Variants in MSN observed in about 807,000 individuals in gnomAD.
MSN encodes moesin, also known as epididymis luminal protein 70.
Under a neutral mutation model 48.0 loss-of-function variants are expected in MSN, and 2 were observed. The observed-to-expected ratio is 0.04, with a 90% CI of 0.02 to 0.13. The LOEUF is 0.13. Among genes scored for constraint, MSN ranks in the 10% least tolerant of loss-of-function variants. The pLI is 1.00. For missense variants in MSN, 267 were observed against 470.1 expected (o/e 0.57, Z 3.99); for synonymous variants, 146 against 166.9 (o/e 0.87, Z 0.97).
At chrX:65,601,427 A>G (rs997467705) in intron 1 of MSN, among the ~76,000 whole-genome samples, 1 of 112,291 alleles carries the variant, frequency 8.9e-6, no homozygotes, top group Non-Finnish European at 1.9e-5. Context: ...CCTGACTCCA[A>G]ATCTCCATTA....
intron 1 of MSN, among the ~76,000 whole-genome samples, chrX:65,645,719 A>C (rs1194547664): frequency 1.8e-5 from 2 of 111,447 alleles, no homozygotes; most frequent in African/African-American, 3.3e-5. Flanking sequence ...GGGATGAAGG[A>C]GGAAACATTG....
At chrX:65,641,402 C>A (rs1372706895) in intron 1 of MSN, among the ~76,000 whole-genome samples, 1 of 100,498 alleles carries the variant, frequency 1.0e-5, no homozygotes, top group African/African-American at 3.6e-5. Context: ...TGGAGGTGTG[C>A]GCCTGTAATC....
At position 65,669,855 on chromosome X, in the gene MSN, T is replaced by A. The variant is rs186446496; in HGVS notation, c.12+2002T>A. Among the ~76,000 whole-genome samples the A allele has an allele frequency of 4.6e-3, 507 of 110,187 alleles. 4 individuals are homozygous for A. Among genetic ancestry groups the A allele is most frequent in the African/African-American group, 0.016 (487 of 30,220 alleles). ...AAAAAAACTAAAACTAAAACAAAAA[T>A]CTAATGAGGCTATTGAGACCTACAG... On this transcript the variant is annotated intron_variant, in intron 1 of 12. Coordinates refer to ENST00000360270, the MANE Select transcript of MSN (RefSeq NM_002444.3).
At chrX:65,712,124 C>T (rs139428155) in intron 1 of MSN, among the ~76,000 whole-genome samples, 4 of 110,885 alleles carry the variant, frequency 3.6e-5, no homozygotes, top group South Asian at 3.9e-4. Flanking sequence ...TACTTTATGA[C>T]GGCCCATTCT....
intron 3 of MSN, among the ~76,000 whole-genome samples, chrX:65,729,024 G>C (rs865943642): frequency 8.9e-6 from 1 of 111,894 alleles, no homozygotes; most frequent in Non-Finnish European, 1.9e-5. Flanking sequence ...GGTCTAATTT[G>C]TGCTCTTGTT....
intron 1 of MSN, among the ~76,000 whole-genome samples, chrX:65,708,039 A>T (rs1409744836): frequency 9.2e-6 from 1 of 109,032 alleles, no homozygotes; most frequent in Non-Finnish European, 1.9e-5. Context: ...TTAAATAGAG[A>T]TGGTCTTGCT....
intron 1 of MSN, among the ~76,000 whole-genome samples, chrX:65,714,698 G>A (rs1193491350): frequency 1.8e-5 from 2 of 111,156 alleles, no homozygotes; most frequent in African/African-American, 3.3e-5. Flanking sequence ...GTTCCTTATA[G>A]ATGCTGGATA....
At chrX:65,625,660 T>C (rs758126248) in intron 1 of MSN, 2 of 112,015 alleles carry the variant, frequency 1.8e-5, no homozygotes, top group East Asian at 5.6e-4. Context: ...TCTTTGAATA[T>C]AAAGTGAGAC....
At chrX:65,619,354 G>A (rs1271835133) in intron 1 of MSN, among the ~76,000 whole-genome samples, 3 of 97,499 alleles carry the variant, frequency 3.1e-5, no homozygotes, top group Non-Finnish European at 5.8e-5. Flanking sequence ...CCAATCAGAC[G>A]TAGATTTGGT....
At chrX:65,618,061 G>C (rs922328958) in intron 1 of MSN, among the ~76,000 whole-genome samples, 1 of 110,652 alleles carries the variant, frequency 9.0e-6, no homozygotes, top group African/African-American at 3.3e-5. Context: ...ATTGCACTGT[G>C]GTCTGAGAGA....
intron 1 of MSN, among the ~76,000 whole-genome samples, chrX:65,681,979 C>T (rs1475452544): frequency 6.3e-5 from 7 of 111,581 alleles, no homozygotes; most frequent in African/African-American, 2.3e-4. Context: ...ATTTGAGCAG[C>T]CTGACTCCAA....
At chrX:65,651,209 T>G (rs2148374923) in intron 1 of MSN, among the ~76,000 whole-genome samples, 1 of 108,935 alleles carries the variant, frequency 9.2e-6, no homozygotes, top group East Asian at 2.9e-4. Context: ...TCACTTGAGT[T>G]CAAGCGTTTG....
chrX:65,736,202 G>A (rs969074712), intron 8 of MSN, among the ~76,000 whole-genome samples: 9 of 111,379 alleles, frequency 8.1e-5, no homozygotes, highest in Non-Finnish European at 1.1e-4. Context: ...CAAGATAGGG[G>A]AACAAGAGCA....
Position 65,667,853 on chromosome X carries a change from G to A in MSN, c.12G>A (p.Thr4=). The change falls in exon 1 of 13, where the codon ACG becomes ACA. Residue 4 remains threonine (T), a splice_region_variant and synonymous_variant. Coordinates refer to ENST00000360270, the MANE Select transcript of MSN (RefSeq NM_002444.3). MPK[T]ISVRVTTMDA... ...CCTTTGCCGCCACCATGCCCAAAAC[G>A]GTGAGTGCCGGAGGTGGGCGCTGTC... 1 of 1,210,095 alleles carries A rather than the reference G, an allele frequency of 8.3e-7. No homozygotes were observed. Among genetic ancestry groups the A allele is most frequent in the Non-Finnish European group, 1.1e-6 (1 of 894,844 alleles).
At chrX:65,636,810 G>A (rs1443056075) in intron 1 of MSN, among the ~76,000 whole-genome samples, 1 of 103,029 alleles carries the variant, frequency 9.7e-6, no homozygotes, top group Admixed American at 1.1e-4. Flanking sequence ...GGCCAGGCGC[G>A]GTGGCTCACG....
At chrX:65,691,492 A>G (rs1190087694) in intron 1 of MSN, among the ~76,000 whole-genome samples, 5 of 110,593 alleles carry the variant, frequency 4.5e-5, no homozygotes, top group Non-Finnish European at 9.5e-5. Context: ...GATGTTTTTT[A>G]TTTCTTTTTG....
chrX:65,666,245 T>C (rs766960235), upstream of MSN, among the ~76,000 whole-genome samples: 195 of 110,280 alleles, frequency 1.8e-3, no homozygotes, highest in African/African-American at 6.1e-3. Context: ...CTCAAACTCT[T>C]GACCTCAAGT....
intron 2 of MSN, among the ~76,000 whole-genome samples, chrX:65,722,538 C>T (rs779251951): frequency 1.0e-4 from 11 of 109,896 alleles, no homozygotes; most frequent in Non-Finnish European, 1.3e-4. Context: ...GATCCTCCCA[C>T]TTCAGCCTTC....
At chrX:65,651,894 G>A (rs1359201674) in intron 1 of MSN, among the ~76,000 whole-genome samples, 4 of 105,904 alleles carry the variant, frequency 3.8e-5, no homozygotes, top group East Asian at 3.4e-4. Flanking sequence ...CACCGCACCC[G>A]GCCTTTCAGT....
Sources: allele counts gnomAD v4.1 joint callset (sites outside exome capture counted in the v4.1 genomes callset), GRCh38; gene constraint gnomAD v4.1.1; transcripts MANE v1.5; gene names NCBI Gene and HGNC (gene_info 2026-07-23, HGNC 2026-07-21).